Variants in LRGUK observed in about 807,000 individuals in gnomAD.
LRGUK encodes leucine-rich repeat and guanylate kinase domain-containing protein.
In LRGUK, 65 loss-of-function variants were observed where a neutral mutation model predicts 76.0. That is an observed-to-expected ratio of 0.85 (90% CI 0.70 to 1.05). The LOEUF (loss-of-function observed/expected upper bound fraction) is 1.05. Among genes scored for constraint, LRGUK ranks in the 50% least tolerant of loss-of-function variants. LRGUK has a pLI of 0.00. For synonymous variants in LRGUK, 268 were observed against 265.6 expected (o/e 1.01, Z -0.09); for missense variants, 758 against 732.8 (o/e 1.03, Z -0.40).
At chr7:134,258,793 T>C (rs1802649050) in intron 19 of LRGUK, among the ~76,000 whole-genome samples, 1 of 152,202 alleles carries the variant, frequency 6.6e-6, no homozygotes, top group African/African-American at 2.4e-5. Flanking sequence ...GTCTTTTTAT[T>C]GATCCTGATT....
intron 15 of LRGUK, among the ~76,000 whole-genome samples, chr7:134,202,993 A>G (rs1800844968): frequency 6.6e-6 from 1 of 152,018 alleles, no homozygotes; most frequent in South Asian, 2.1e-4. Context: ...TCACGAGGTC[A>G]GGAGATAGAG....
At chr7:134,131,153 C>G (rs1797287151) in intron 1 of LRGUK, among the ~76,000 whole-genome samples, 1 of 152,192 alleles carries the variant, frequency 6.6e-6, no homozygotes, top group Non-Finnish European at 1.5e-5. Context: ...ATGAAAAACA[C>G]TTCTTTTCAG....
In LRGUK at chr7:134,260,788, C is replaced by G. The variant is rs540224918; in HGVS notation, c.2347+2383C>G. Among the ~76,000 whole-genome samples, 7 of 152,244 alleles carry G rather than the reference C, an allele frequency of 4.6e-5. No individual in the cohort carries two copies. In the South Asian group the frequency reaches 8.3e-4, roughly 18 times the overall value. On this transcript the variant is annotated intron_variant, in intron 19 of 19. Transcript: ENST00000285928. ...CTGTGGCTTCTCCTCGTTTGAGATC[C>G]CAGCTATGCCTGTTTGGGCCATTTG...
chr7:134,262,205 C>T (rs1479060993), intron 19 of LRGUK, among the ~76,000 whole-genome samples: 1 of 152,008 alleles, frequency 6.6e-6, no homozygotes, highest in Admixed American at 6.6e-5. Context: ...GAAACCCTGT[C>T]TCTACTAAAA....
At chr7:134,262,306 G>A (rs561784738) in intron 19 of LRGUK, among the ~76,000 whole-genome samples, 6 of 152,300 alleles carry the variant, frequency 3.9e-5, no homozygotes, top group African/African-American at 9.6e-5. Context: ...CCCGGTAGGC[G>A]GTGGTTGCAG....
intron 5 of LRGUK, among the ~76,000 whole-genome samples, chr7:134,156,226 T>G (rs1798451668): frequency 1.3e-5 from 2 of 152,344 alleles, no homozygotes; most frequent in Admixed American, 1.3e-4. Flanking sequence ...GCCACTTAGA[T>G]TCACTCTTTC....
intron 1 of LRGUK, among the ~76,000 whole-genome samples, chr7:134,134,484 C>T (rs1797443691): frequency 6.6e-6 from 1 of 152,142 alleles, no homozygotes; most frequent in Non-Finnish European, 1.5e-5. Context: ...ATGATACTGC[C>T]AAATGTCAGG....
chr7:134,255,809 G>A (rs901445139), intron 18 of LRGUK, among the ~76,000 whole-genome samples: 2 of 151,728 alleles, frequency 1.3e-5, no homozygotes, highest in African/African-American at 2.4e-5. Flanking sequence ...AAATCTTTCC[G>A]TGTGTGCATG....
At chr7:134,221,983 A>G (rs1029493723) in intron 16 of LRGUK, 65 bp downstream of exon 16, 1 of 1,374,310 alleles carries the variant, frequency 7.3e-7, no homozygotes, top group Non-Finnish European at 9.5e-7. Flanking sequence ...CAAAGAGGGG[A>G]TTTAATATTT....
chr7:134,169,616 G>A (rs1274429057), intron 7 of LRGUK, among the ~76,000 whole-genome samples: 1 of 151,858 alleles, frequency 6.6e-6, no homozygotes, highest in African/African-American at 2.4e-5. Flanking sequence ...TTCAAGTTTT[G>A]TTTTTCCATA....
intron 11 of LRGUK, among the ~76,000 whole-genome samples, chr7:134,185,747 AC>A (rs1006423881): frequency 3.3e-5 from 5 of 152,174 alleles, no homozygotes; most frequent in African/African-American, 1.2e-4. Flanking sequence ...TTACAAAAAA[AC>A]TTCCTTCCCT....
chr7:134,174,380 G>T (rs1210747333), intron 7 of LRGUK, among the ~76,000 whole-genome samples, 176 bp from the exon 8 acceptor site: 2 of 152,260 alleles, frequency 1.3e-5, no homozygotes, highest in East Asian at 1.9e-4. Flanking sequence ...TATAGAAGGG[G>T]TATGCAATAA....
intron 15 of LRGUK, among the ~76,000 whole-genome samples, chr7:134,207,023 T>C (rs1250881725): frequency 6.6e-6 from 1 of 152,186 alleles, no homozygotes; most frequent in African/African-American, 2.4e-5. Context: ...TGTTAAATTG[T>C]AAAAGTGGGG....
At chr7:134,131,942 C>A (rs1797327239) in intron 1 of LRGUK, among the ~76,000 whole-genome samples, 1 of 151,962 alleles carries the variant, frequency 6.6e-6, no homozygotes, top group East Asian at 1.9e-4. Flanking sequence ...GTACAGATAC[C>A]AAGGGTATTT....
chr7:134,171,002 A>G (rs767143230), intron 7 of LRGUK, among the ~76,000 whole-genome samples: 5 of 152,200 alleles, frequency 3.3e-5, no homozygotes, highest in Admixed American at 6.5e-5. Flanking sequence ...AGTATACACC[A>G]TTCTTATTTC....
chr7:134,259,170 A>C (rs1488536755), intron 19 of LRGUK, among the ~76,000 whole-genome samples: 1 of 152,164 alleles, frequency 6.6e-6, no homozygotes, highest in Admixed American at 6.5e-5. Context: ...TTTTGCCCCT[A>C]GATCCCAAAC....
intron 15 of LRGUK, among the ~76,000 whole-genome samples, chr7:134,219,185 G>A (rs1801512748): frequency 6.6e-6 from 1 of 152,112 alleles, no homozygotes; most frequent in Non-Finnish European, 1.5e-5. Context: ...TGGGAAGTAA[G>A]CTGTTTTGTC....
intron 11 of LRGUK, among the ~76,000 whole-genome samples, chr7:134,185,046 A>G (rs1257738154): frequency 5.9e-5 from 9 of 152,278 alleles, no homozygotes; most frequent in Non-Finnish European, 1.3e-4. Flanking sequence ...TTCAGGAGGA[A>G]GGAAGGAGAA....
intron 9 of LRGUK, 125 bp downstream of exon 9, chr7:134,177,188 A>T: frequency 1.7e-6 from 1 of 587,536 alleles, no homozygotes; most frequent in South Asian, 2.1e-5. Context: ...ACATTAATTC[A>T]TTTAGGGAAT....
Sources: allele counts gnomAD v4.1 joint callset (sites outside exome capture counted in the v4.1 genomes callset), GRCh38; gene constraint gnomAD v4.1.1; transcripts MANE v1.5; gene names NCBI Gene and HGNC (gene_info 2026-07-23, HGNC 2026-07-21).